GTF3C1: variants seen among roughly 807,000 people sequenced by gnomAD.
GTF3C1 encodes general transcription factor 3C polypeptide 1.
A neutral mutation model predicts 226.7 loss-of-function variants in GTF3C1; 57 were observed. That is an observed-to-expected ratio of 0.25 (90% CI 0.20 to 0.31). The LOEUF is 0.31. Among genes scored for constraint, GTF3C1 ranks in the 10% least tolerant of loss-of-function variants. The pLI is 1.00. For synonymous variants in GTF3C1, 1,090 were observed against 1,084.8 expected (o/e 1.00, Z -0.09); for missense variants, 2,217 against 2,776.1 (o/e 0.80, Z 4.53).
intron 6 of GTF3C1, among the ~76,000 whole-genome samples, chr16:27,517,553 C>T (rs749359768): frequency 6.6e-6 from 1 of 152,206 alleles, no homozygotes; most frequent in Non-Finnish European, 1.5e-5. Context: ...ACAACCAGCA[C>T]CCGCTCACAG....
Position 27,506,895 on chromosome 16 carries a change from C to T in GTF3C1, c.1504G>A (p.Ala502Thr). 1 of 1,613,472 alleles carries T rather than the reference C, an allele frequency of 6.2e-7. No individual in the cohort carries two copies. Among genetic ancestry groups the T allele is most frequent in the Non-Finnish European group, 8.5e-7 (1 of 1,179,956 alleles). Residue 502 changes from alanine to threonine, a missense_variant, in exon 9 of 37, where the codon GCA becomes ACA. Ala to Thr is a moderately conservative substitution (Grantham distance 58, BLOSUM62 0). Transcript: ENST00000356183. Reference protein sequence around the residue: ...RGSQKDTRASANLRPKTQPHH... With the variant: ...RGSQKDTRASTNLRPKTQPHH... ...GGCTGGGTCTTGGGCCGGAGGTTTG[C>T]AGAGGCTCTTGTGTCTTTCTGGGAC... is the stretch of plus-strand genomic sequence containing the variant.
chr16:27,482,409 C>A, intron 26 of GTF3C1: 1 of 448,044 alleles, frequency 2.2e-6, no homozygotes, highest in South Asian at 1.6e-5. Flanking sequence ...AAAAGCATTG[C>A]TGAGCCTCCT....
Position 27,463,809 on chromosome 16 carries a change from T to C in GTF3C1, c.5873-217A>G. 1.7e-6 allele frequency: 1 copy of C among 571,548 alleles called. No individual in the cohort carries two copies. The highest frequency in any genetic ancestry group is 3.1e-6 in the Non-Finnish European group (1 of 326,004). 35.4% of individuals were successfully genotyped at this position (571,548 alleles called of 1,614,324 possible). On this transcript the variant is annotated intron_variant, in intron 34 of 36. Coordinates refer to ENST00000356183, the MANE Select transcript of GTF3C1 (RefSeq NM_001520.4). This position sits in a 1 kb window ranked among gnomAD's most constrained non-coding sequence, Gnocchi z 4.9. ...CACACAGCGCCACATGCAAGCAGCG[T>C]CCCAGGCCCGGACAAGCCCCACATT...
intron 2 of GTF3C1, among the ~76,000 whole-genome samples, chr16:27,543,217 C>T (rs547322859): frequency 6.6e-6 from 1 of 152,276 alleles, no homozygotes; most frequent in Non-Finnish European, 1.5e-5. Flanking sequence ...GAAACCGAGT[C>T]TCTACTAAAA....
At chr16:27,500,090 G>A (rs58075578) in intron 12 of GTF3C1, among the ~76,000 whole-genome samples, 4 of 152,172 alleles carry the variant, frequency 2.6e-5, no homozygotes, top group Non-Finnish European at 5.9e-5. Context: ...CACAGCAGAT[G>A]CCTATACCTT....
chr16:27,539,606 A>G (rs940201006), intron 2 of GTF3C1, among the ~76,000 whole-genome samples: 2 of 152,252 alleles, frequency 1.3e-5, no homozygotes, highest in Non-Finnish European at 2.9e-5. Context: ...GTTCCTTGGC[A>G]TCAAGTTACT....
At chr16:27,486,660 T>G (rs562589700) in intron 23 of GTF3C1, among the ~76,000 whole-genome samples, 1 of 152,202 alleles carries the variant, frequency 6.6e-6, no homozygotes, top group Non-Finnish European at 1.5e-5. Flanking sequence ...GGAAGGAGAC[T>G]GCATATAAAA....
chr16:27,541,288 G>C (rs923411536), intron 2 of GTF3C1, among the ~76,000 whole-genome samples: 5 of 152,202 alleles, frequency 3.3e-5, no homozygotes, highest in African/African-American at 1.2e-4. Context: ...CTGGAGTGTG[G>C]TAGCCAGCTA....
At chr16:27,484,063 A>G in intron 25 of GTF3C1, 148 bp downstream of exon 25, 1 of 636,374 alleles carries the variant, frequency 1.6e-6, no homozygotes, top group Non-Finnish European at 2.8e-6. Context: ...ACCCTCAAAA[A>G]ACCAAGGTCC....
intron 7 of GTF3C1, among the ~76,000 whole-genome samples, chr16:27,509,884 T>A (rs1454570431): frequency 6.6e-6 from 1 of 151,052 alleles, no homozygotes; most frequent in African/African-American, 2.4e-5. Flanking sequence ...CGCATAAAAA[T>A]AAGCAGCAGA....
chr16:27,465,128 A>T, intron 33 of GTF3C1, 132 bp downstream of exon 33: 2 of 811,976 alleles, frequency 2.5e-6, no homozygotes, highest in Non-Finnish European at 4.0e-6. Flanking sequence ...TTCAAGTGTT[A>T]ATGACTAATT....
In GTF3C1 at chr16:27,497,655, T is replaced by G; in HGVS notation, c.2332A>C (p.Asn778His). The G allele has an allele frequency of 6.2e-7, 1 of 1,613,438 alleles. No individual in the cohort carries two copies. The highest frequency in any genetic ancestry group is 1.1e-5 in the South Asian group (1 of 91,036). The change falls in exon 14 of 37, where the codon AAT (asparagine) becomes CAT (histidine). Residue 778 changes from asparagine to histidine, a missense_variant. Physicochemically the swap from Asn to His is moderately conservative, Grantham distance 68. This residue lies in a region of GTF3C1 where 100 missense variants were observed against 139.9 expected (regional missense o/e 0.71). Coordinates refer to ENST00000356183, the MANE Select transcript of GTF3C1 (RefSeq NM_001520.4). ...DNKMGITPLRNYHPIVVPGLG... is the reference protein window; with the variant it reads ...DNKMGITPLRHYHPIVVPGLG... ...AGCTTACCTACAATGGGGTGATAAT[T>G]TCTAAGCGGGGTTATGCCCATTTTA...
At chr16:27,544,246 G>T (rs1468193327) in intron 2 of GTF3C1, among the ~76,000 whole-genome samples, 1 of 151,944 alleles carries the variant, frequency 6.6e-6, no homozygotes, top group Admixed American at 6.6e-5. Context: ...ACTTAGCTGG[G>T]TGTGGTGGTA....
At chr16:27,474,971 G>T (rs1026389988) in intron 29 of GTF3C1, among the ~76,000 whole-genome samples, 2 of 152,240 alleles carry the variant, frequency 1.3e-5, no homozygotes, top group African/African-American at 4.8e-5. Context: ...CTCTGTCTTG[G>T]GTGTGCTGAG....
At chr16:27,487,359 T>G (rs570834978) in intron 23 of GTF3C1, among the ~76,000 whole-genome samples, 3 of 152,352 alleles carry the variant, frequency 2.0e-5, no homozygotes, top group Non-Finnish European at 4.4e-5. Context: ...TTAAAACTTG[T>G]GGACCACTTA....
intron 7 of GTF3C1, among the ~76,000 whole-genome samples, chr16:27,511,294 C>T (rs2088567419): frequency 6.6e-6 from 1 of 152,220 alleles, no homozygotes; most frequent in African/African-American, 2.4e-5. Context: ...CTGCTCTTGG[C>T]CATCAGAACT....
intron 5 of GTF3C1, 36 bp from the exon 6 acceptor site, chr16:27,528,757 C>A: frequency 6.3e-7 from 1 of 1,595,282 alleles, no homozygotes; most frequent in Non-Finnish European, 8.6e-7. Context: ...CTATTAGACA[C>A]AGCAAGATGT....
intron 20 of GTF3C1, 125 bp from the exon 21 acceptor site, chr16:27,489,303 A>C (rs2141375507): frequency 9.4e-7 from 1 of 1,059,804 alleles, no homozygotes; most frequent in East Asian, 2.5e-5. Flanking sequence ...AACACCCCAC[A>C]GGTAGCAATG....
chr16:27,483,245 T>A, intron 25 of GTF3C1, 120 bp from the exon 26 acceptor site: 2 of 898,724 alleles, frequency 2.2e-6, no homozygotes, highest in Non-Finnish European at 1.8e-6. Context: ...ATGAGTTACT[T>A]ATATGCCTGT....
Sources: allele counts gnomAD v4.1 joint callset (sites outside exome capture counted in the v4.1 genomes callset), GRCh38; gene constraint gnomAD v4.1.1; regional missense constraint gnomAD v4.1.1; non-coding constraint Gnocchi (gnomAD v3.1); transcripts MANE v1.5; gene names NCBI Gene and HGNC (gene_info 2026-07-23, HGNC 2026-07-21).